EFCAB6: variants seen among roughly 807,000 people sequenced by gnomAD.
EFCAB6 encodes EF-hand calcium binding domain 6, also known as EF-hand calcium-binding domain-containing protein 6.
EFCAB6 carries 156 observed loss-of-function variants against 169.8 expected under a neutral mutation model. The ratio of observed to expected loss-of-function variants is 0.92; its 90% CI spans 0.81 to 1.05. The LOEUF (loss-of-function observed/expected upper bound fraction) is 1.05. Among genes scored for constraint, EFCAB6 ranks in the 50% least tolerant of loss-of-function variants. EFCAB6 has a pLI of 0.00. For synonymous variants in EFCAB6, 698 were observed against 676.4 expected (o/e 1.03, Z -0.50); for missense variants, 1,800 against 1,829.1 (o/e 0.98, Z 0.29).
In EFCAB6 at chr22:43,689,210, G is replaced by T. The variant is rs146793987; in HGVS notation, c.1032-1629C>A. On this transcript the variant is annotated intron_variant, in intron 10 of 31. Coordinates refer to ENST00000262726, the MANE Select transcript of EFCAB6 (RefSeq NM_022785.4). ...CCATTGAGAACAAAAAATTTTGCGG[G>T]GGGGCGCAGGGCCGGAGGCAGGGGG... 5.7e-3 allele frequency among the ~76,000 whole-genome samples: 862 copies of T among 152,060 alleles called. 3 individuals carry two copies. Among genetic ancestry groups the T allele is most frequent in the Non-Finnish European group, 0.011 (715 of 67,988 alleles).
At chr22:43,578,998 C>CCCTACA (rs1569189620) in intron 25 of EFCAB6, among the ~76,000 whole-genome samples, 5 of 149,146 alleles carry the variant, frequency 3.4e-5, no homozygotes, top group East Asian at 3.9e-4. Flanking sequence ...AGGCATCATT[C>CCCTACA]CGTACACGCA....
intron 19 of EFCAB6, among the ~76,000 whole-genome samples, chr22:43,627,945 A>T (rs934863910): frequency 6.6e-6 from 1 of 152,210 alleles, no homozygotes; most frequent in African/African-American, 2.4e-5. Context: ...TGAATTTAAA[A>T]GATGCCGCCC....
intron 2 of EFCAB6, among the ~76,000 whole-genome samples, chr22:43,805,310 T>C (rs1001353839): frequency 6.6e-6 from 1 of 152,204 alleles, no homozygotes; most frequent in African/African-American, 2.4e-5. Flanking sequence ...AATTTACAGA[T>C]TCAGTGCGAT....
At chr22:43,538,391 G>GT (rs1196162439) in intron 28 of EFCAB6, among the ~76,000 whole-genome samples, 1 of 151,764 alleles carries the variant, frequency 6.6e-6, no homozygotes, top group South Asian at 2.1e-4. Context: ...TTGTTTTTTT[G>GT]TTTTTTTTTT....
intron 8 of EFCAB6, among the ~76,000 whole-genome samples, chr22:43,726,817 C>G (rs1350452472): frequency 6.6e-6 from 1 of 152,178 alleles, no homozygotes; most frequent in Non-Finnish European, 1.5e-5. Context: ...CAAAGATGTC[C>G]CACCGCTGGG....
intron 12 of EFCAB6, among the ~76,000 whole-genome samples, chr22:43,682,282 G>A (rs2058035759): frequency 6.6e-6 from 1 of 152,170 alleles, no homozygotes; most frequent in Non-Finnish European, 1.5e-5. Context: ...AATCATTTGT[G>A]TGCTTAGCCT....
chr22:43,549,094 T>C (rs1602193043), intron 27 of EFCAB6, among the ~76,000 whole-genome samples: 1 of 152,190 alleles, frequency 6.6e-6, no homozygotes, highest in South Asian at 2.1e-4. Context: ...TAAAACTACA[T>C]ATCAAAACTT....
At chr22:43,798,084 G>A (rs2062576046) in intron 2 of EFCAB6, among the ~76,000 whole-genome samples, 1 of 152,074 alleles carries the variant, frequency 6.6e-6, no homozygotes, top group Non-Finnish European at 1.5e-5. Context: ...TTGGGGTGGG[G>A]CCTAAGAATT....
chr22:43,735,219 C>G (rs561123099), intron 7 of EFCAB6, among the ~76,000 whole-genome samples: 1 of 152,102 alleles, frequency 6.6e-6, no homozygotes, highest in Non-Finnish European at 1.5e-5. Flanking sequence ...GTGCAGGCTT[C>G]TGTGTGCTGC....
chr22:43,602,469 T>C (rs1007852156), intron 22 of EFCAB6, among the ~76,000 whole-genome samples: 4 of 152,116 alleles, frequency 2.6e-5, no homozygotes, highest in South Asian at 2.1e-4. Context: ...AGGGAGGAAG[T>C]TGAATTTCAC....
At chr22:43,630,205 C>T (rs371180160) in intron 19 of EFCAB6, among the ~76,000 whole-genome samples, 31 of 152,298 alleles carry the variant, frequency 2.0e-4, no homozygotes, top group African/African-American at 5.5e-4. Flanking sequence ...GTCCACTTTG[C>T]GTATACCTGC....
rs544428840 is a variant in EFCAB6, at chr22:43,588,384, G to A, written c.3032+1690C>T. Among the ~76,000 whole-genome samples, 21 of 152,208 alleles carry A rather than the reference G, an allele frequency of 1.4e-4. No homozygotes were observed. The East Asian group carries it at 2.5e-3, about 18-fold the overall frequency. Reference sequence around the variant, plus strand: ...AATACCTTCAGAGAAATGAGATAGCGCATCCATGAAACAAGAGTAGGATGT... The same window carrying A: ...AATACCTTCAGAGAAATGAGATAGCACATCCATGAAACAAGAGTAGGATGT... On this transcript the variant is annotated intron_variant, in intron 24 of 31. Coordinates refer to ENST00000262726, the MANE Select transcript of EFCAB6 (RefSeq NM_022785.4).
chr22:43,763,288 T>C (rs567225248), intron 5 of EFCAB6, among the ~76,000 whole-genome samples: 1 of 151,974 alleles, frequency 6.6e-6, no homozygotes, highest in East Asian at 1.9e-4. Flanking sequence ...ATCTGCCCAC[T>C]TCGGCCTCCC....
intron 31 of EFCAB6, among the ~76,000 whole-genome samples, chr22:43,529,619 T>C (rs1166522689): frequency 6.6e-6 from 1 of 152,192 alleles, no homozygotes; most frequent in Non-Finnish European, 1.5e-5. Flanking sequence ...GAGAGGGGCA[T>C]GCCCTTTTCT....
intron 11 of EFCAB6, among the ~76,000 whole-genome samples, chr22:43,685,142 A>G (rs1273152498): frequency 6.6e-6 from 1 of 152,174 alleles, no homozygotes. Flanking sequence ...CAACCTTGCT[A>G]TTGTCGTTAT....
rs567078775 is a variant in EFCAB6 at position 43,532,828 on chromosome 22, T to G, written c.4233+1860A>C. Among the ~76,000 whole-genome samples, 12 of 147,966 alleles carry G rather than the reference T, an allele frequency of 8.1e-5. No individual in the cohort carries two copies. The South Asian group carries it at 2.8e-3, about 34-fold the overall frequency. ...TGGGGTGAGTGGGAGCGGGGCCAGG[T>G]GGGGGGTGGGGCCAGGGCCAGGGCT... is the stretch of plus-strand genomic sequence containing the variant. On this transcript the variant is annotated intron_variant, in intron 30 of 31. Coordinates refer to ENST00000262726, the MANE Select transcript of EFCAB6 (RefSeq NM_022785.4).
At chr22:43,535,542 A>G (rs1309399749) in intron 29 of EFCAB6, 1 of 152,226 alleles carries the variant, frequency 6.6e-6, no homozygotes, top group Non-Finnish European at 1.5e-5. Context: ...GGAACCTCTG[A>G]AGAGCAAGGC....
intron 13 of EFCAB6, 109 bp downstream of exon 13, chr22:43,677,887 T>C: frequency 1.7e-6 from 2 of 1,152,158 alleles, no homozygotes; most frequent in Non-Finnish European, 2.4e-6. Flanking sequence ...TTGAAAACTG[T>C]AAAGTCGTTA....
chr22:43,701,944 T>A (rs1187253862), intron 10 of EFCAB6, among the ~76,000 whole-genome samples: 1 of 152,128 alleles, frequency 6.6e-6, no homozygotes, highest in African/African-American at 2.4e-5. Context: ...AGGGTTACCT[T>A]TTAATAATTA....
Sources: gnomAD v4.1 joint callset for allele counts (sites outside exome capture counted in the v4.1 genomes callset) on GRCh38, gnomAD v4.1.1 for gene constraint, MANE v1.5 for transcripts, NCBI Gene and HGNC (gene_info 2026-07-23, HGNC 2026-07-21) for gene names.